Variants in SCN2B observed in about 807,000 individuals in gnomAD.
SCN2B encodes sodium voltage-gated channel beta subunit 2, also known as sodium channel regulatory subunit beta-2.
Under a neutral mutation model 18.2 loss-of-function variants are expected in SCN2B, and 14 were observed. The ratio of observed to expected loss-of-function variants is 0.77; its 90% CI spans 0.51 to 1.21. SCN2B has a LOEUF of 1.21. Among genes scored for constraint, SCN2B ranks in the 50% most tolerant of loss-of-function variants. SCN2B has a pLI of 0.00. For synonymous variants in SCN2B, 115 were observed against 115.3 expected (o/e 1.00, Z 0.02); for missense variants, 262 against 286.9 (o/e 0.91, Z 0.63).
At chr11:118,173,559 G>A (rs550532888) in intron 1 of SCN2B, among the ~76,000 whole-genome samples, 1 of 152,224 alleles carries the variant, frequency 6.6e-6, no homozygotes, top group East Asian at 1.9e-4. Flanking sequence ...TCATAGGGCT[G>A]TCGAAGGATT....
Position 118,166,948 on chromosome 11 carries a change from A to G in SCN2B, c.587T>C (p.Leu196Pro). ...CGTCTTGCCCTCCTCCTCGGTCTTC[A>G]GGTCATCTGTGCTCAGCTTCTGCTC... ...KKEQKLSTDD[L>P]KTEEEGKTDG... Residue 196 changes from leucine to proline, a missense_variant, in exon 4 of 4, where the codon CTG (leucine) becomes CCG (proline). Physicochemically the swap from Leu to Pro is moderately conservative, Grantham distance 98. Transcript: ENST00000278947. 1 of 1,614,134 alleles carries G rather than the reference A, an allele frequency of 6.2e-7. No homozygotes were observed. The highest frequency in any genetic ancestry group is 2.2e-5 in the East Asian group (1 of 44,876).
rs1290948345 is a variant in SCN2B at position 118,165,902 on chromosome 11, C to G, written c.*985G>C. On this transcript the variant is annotated 3_prime_UTR_variant, in exon 4 of 4. Transcript: ENST00000278947. ...GCCGGCCTCAGGCTTTCCCTTCCCT[C>G]TCTGTAGCCAAAAGCCAGGTGGAAA... 1 of 152,330 alleles carries G rather than the reference C, an allele frequency of 6.6e-6. No homozygotes were observed. The highest frequency in any genetic ancestry group is 1.5e-5 in the Non-Finnish European group (1 of 68,132). The allele number at this position is 152,330 out of a possible 1,614,324, so 9.4% of individuals were successfully genotyped here.
chr11:118,170,599 G>T (rs189635156), intron 1 of SCN2B, among the ~76,000 whole-genome samples: 3 of 152,104 alleles, frequency 2.0e-5, no homozygotes, highest in Non-Finnish European at 2.9e-5. Flanking sequence ...CTGCTGGGAG[G>T]CTGTCCAGAT....
chr11:118,171,783 C>T (rs539573784), intron 1 of SCN2B, among the ~76,000 whole-genome samples: 156 of 152,332 alleles, frequency 1.0e-3, no homozygotes, highest in Non-Finnish European at 1.8e-3. Context: ...CAGAAGGTAC[C>T]GGGCGGAACA....
chr11:118,167,150 T>C, intron 3 of SCN2B, 64 bp from the exon 4 acceptor site: 1 of 1,516,138 alleles, frequency 6.6e-7, no homozygotes, highest in Non-Finnish European at 9.0e-7. Flanking sequence ...ATCACCCCAC[T>C]ACCCGTGGCA....
Position 118,164,458 on chromosome 11 carries a change from G to C in SCN2B, c.*2429C>G, listed in dbSNP as rs936507533. 3 of 152,684 alleles carry C rather than the reference G, an allele frequency of 2.0e-5. No individual in the cohort carries two copies. The highest frequency in any genetic ancestry group is 7.2e-5 in the African/African-American group (3 of 41,430). 9.5% of individuals were successfully genotyped at this position (152,684 alleles called of 1,614,324 possible). A position where few individuals can be genotyped will look rare whatever the true frequency, so the allele number is the denominator to read the frequency against. ...GTGTGTTGATTGGCAGTTAGGTACT[G>C]AGCTGATGAGTTTAGCATTTCCAGA... On this transcript the variant is annotated 3_prime_UTR_variant, in exon 4 of 4. Coordinates refer to ENST00000278947, the MANE Select transcript of SCN2B (RefSeq NM_004588.5).
chr11:118,164,978 C>T lies in SCN2B; in HGVS notation c.*1909G>A, dbSNP rs1283118718. ...TATTCCCTACCCTGGGCACCTGACTCCTTGAGTAGGGGTGGGGCAGAGCTC... is the reference window on the plus strand; with the variant it reads ...TATTCCCTACCCTGGGCACCTGACTTCTTGAGTAGGGGTGGGGCAGAGCTC... On this transcript the variant is annotated 3_prime_UTR_variant, in exon 4 of 4. Coordinates refer to ENST00000278947, the MANE Select transcript of SCN2B (RefSeq NM_004588.5). 2 of 152,760 alleles carry T rather than the reference C, an allele frequency of 1.3e-5. No individual in the cohort carries two copies. Among genetic ancestry groups the T allele is most frequent in the Non-Finnish European group, 2.9e-5 (2 of 68,112 alleles). The allele number at this position is 152,760 out of a possible 1,614,324, so 9.5% of individuals were successfully genotyped here. A position where few individuals can be genotyped will look rare whatever the true frequency, so the allele number is the denominator to read the frequency against.
At chr11:118,174,110 T>G (rs1217835215) in intron 1 of SCN2B, among the ~76,000 whole-genome samples, 3 of 127,476 alleles carry the variant, frequency 2.4e-5, no homozygotes, top group African/African-American at 3.5e-5. Flanking sequence ...TTTTTTTTTT[T>G]TTTTTTTTTT....
intron 1 of SCN2B, among the ~76,000 whole-genome samples, chr11:118,173,869 A>AG (rs910808020): frequency 3.3e-5 from 5 of 152,074 alleles, no homozygotes; most frequent in African/African-American, 1.2e-4. Context: ...CACAAGCAGC[A>AG]GATATGTGCA....
Position 118,168,054 on chromosome 11 carries a change from A to C in SCN2B, c.448+31T>G. 1.5e-5 allele frequency: 23 copies of C among 1,559,326 alleles called. No individual in the cohort carries two copies. The highest frequency in any genetic ancestry group is 2.3e-5 in the East Asian group (1 of 44,054). ...AGAGAGTAGGTGGGTGGGAAAGGTC[A>C]GGGCCCCGCAGCTGGCACCCCAGCC... is the stretch of plus-strand genomic sequence containing the variant. On this transcript the variant is annotated intron_variant, in intron 3 of 3. Transcript: ENST00000278947. The surrounding 1 kb of genome is among the most constrained non-coding windows in gnomAD (Gnocchi z 4.7).
chr11:118,172,485 G>A (rs765310297), intron 1 of SCN2B, among the ~76,000 whole-genome samples: 3 of 152,202 alleles, frequency 2.0e-5, no homozygotes, highest in South Asian at 2.1e-4. Context: ...ATCTCTTGCC[G>A]ACTATATGGC....
chr11:118,168,801 G>A lies in SCN2B; in HGVS notation c.71-50C>T. 1 of 1,603,440 alleles carries A rather than the reference G, an allele frequency of 6.2e-7. No homozygotes were observed. The highest frequency in any genetic ancestry group is 8.5e-7 in the Non-Finnish European group (1 of 1,171,168). On this transcript the variant is annotated intron_variant, in intron 1 of 3. Transcript: ENST00000278947. The surrounding 1 kb of genome is among the most constrained non-coding windows in gnomAD (Gnocchi z 4.7). ...GAGGAGTCTGGCTGAAAGGGCTGGG[G>A]AGGGGCAAGCCCTCTGTGCCTGGGA...
chr11:118,174,091 C>CTTTTGTTTTTTTTTTTTTTTTTTT (rs1555101438), intron 1 of SCN2B, among the ~76,000 whole-genome samples: 3 of 66,626 alleles, frequency 4.5e-5, no homozygotes, highest in African/African-American at 6.4e-5. Flanking sequence ...TTTTTCTTTT[C>CTTTTGTTTTTTTTTTTTTTTTTTT]TTTTTTTTTT....
chr11:118,166,884 C>G lies in SCN2B; in HGVS notation c.*3G>C, dbSNP rs1465873285. 1 of 1,613,870 alleles carries G rather than the reference C, an allele frequency of 6.2e-7. No homozygotes were observed. On this transcript the variant is annotated 3_prime_UTR_variant, in exon 4 of 4. Transcript: ENST00000278947. ...CACGGGAGGCTGCAGGGCCGGCCAC[C>G]CACTACTTGGCGCCATCATCCGGGT...
In SCN2B at chr11:118,164,130, G is replaced by C. The variant is rs1565461768; in HGVS notation, c.*2757C>G. On this transcript the variant is annotated 3_prime_UTR_variant, in exon 4 of 4. Transcript: ENST00000278947. ...GGAATCTTGGGCTTCTTGATGGAGAGTTAGAACTTCTTAGAATACACTAGG... is the reference window on the plus strand; with the variant it reads ...GGAATCTTGGGCTTCTTGATGGAGACTTAGAACTTCTTAGAATACACTAGG... 1 of 152,308 alleles carries C rather than the reference G, an allele frequency of 6.6e-6. No individual in the cohort carries two copies. The highest frequency in any genetic ancestry group is 1.9e-4 in the East Asian group (1 of 5,178). The allele number at this position is 152,308 out of a possible 1,614,324, so 9.4% of individuals were successfully genotyped here. A position where few individuals can be genotyped will look rare whatever the true frequency, so the allele number is the denominator to read the frequency against.
intron 3 of SCN2B, 71 bp from the exon 4 acceptor site, chr11:118,167,157 G>T: frequency 6.7e-7 from 1 of 1,491,042 alleles, no homozygotes; most frequent in Non-Finnish European, 9.2e-7. Context: ...CACTACCCGT[G>T]GCATGCGTGG....
At position 118,168,518 on chromosome 11, in the gene SCN2B, G is replaced by A; in HGVS notation, c.237+67C>T. The stretch of plus-strand genomic sequence containing the variant: ...AGCGCAGTGCCGGGGCCGGTGGTGG[G>A]ACCAGGGGCTTCATGCCATGGGGCT... On this transcript the variant is annotated intron_variant, in intron 2 of 3. Transcript: ENST00000278947. The surrounding 1 kb of genome is among the most constrained non-coding windows in gnomAD (Gnocchi z 4.7). 2.5e-6 allele frequency: 4 copies of A among 1,601,286 alleles called. No homozygotes were observed. The highest frequency in any genetic ancestry group is 1.1e-5 in the South Asian group (1 of 90,364).
rs563594594 is a variant in SCN2B at position 118,172,899 on chromosome 11, T to G, written c.70+3463A>C. ...GTAATTATTTTCTTCTTGGTTTTTT[T>G]TTTTTTTTTTAAGTGTCTAAACAGA... On this transcript the variant is annotated intron_variant, in intron 1 of 3. Coordinates refer to ENST00000278947, the MANE Select transcript of SCN2B (RefSeq NM_004588.5). Among the ~76,000 whole-genome samples the G allele has an allele frequency of 2.7e-3, 410 of 152,096 alleles. 2 individuals carry two copies. Among genetic ancestry groups the G allele is most frequent in the African/African-American group, 9.6e-3 (398 of 41,486 alleles).
Position 118,166,958 on chromosome 11 carries a change from T to C in SCN2B, c.577A>G (p.Thr193Ala). ...TCCTCCTCGGTCTTCAGGTCATCTG[T>C]GCTCAGCTTCTGCTCTTTTTTTCTC... The part of the protein sequence containing the change: ...VRRKKEQKLS[T>A]DDLKTEEEGK... The change falls in exon 4 of 4, where the codon ACA becomes GCA. Residue 193 changes from threonine (T) to alanine (A), a missense_variant. Coordinates refer to ENST00000278947, the MANE Select transcript of SCN2B (RefSeq NM_004588.5). 2 of 1,614,164 alleles carry C rather than the reference T, an allele frequency of 1.2e-6. No homozygotes were observed. The highest frequency in any genetic ancestry group is 8.5e-7 in the Non-Finnish European group (1 of 1,180,030).
Sources: allele counts gnomAD v4.1 joint callset (sites outside exome capture counted in the v4.1 genomes callset), GRCh38; gene constraint gnomAD v4.1.1; non-coding constraint Gnocchi (gnomAD v3.1); transcripts MANE v1.5; gene names NCBI Gene and HGNC (gene_info 2026-07-23, HGNC 2026-07-21).